The following ADD1 variants were observed in gnomAD, a reference collection of about 807,000 sequenced individuals.
ADD1 encodes the protein alpha-adducin.
In ADD1, 24 loss-of-function variants were observed where a neutral mutation model predicts 80.5. The observed-to-expected ratio is 0.30, with a 90% CI of 0.22 to 0.42. The LOEUF (loss-of-function observed/expected upper bound fraction) is 0.42. Among genes scored for constraint, ADD1 ranks in the 10% least tolerant of loss-of-function variants. ADD1 has a pLI of 1.00. For synonymous variants in ADD1, 373 were observed against 393.8 expected, an observed-to-expected ratio of 0.95 and a Z score of 0.63; for missense variants, 948 against 1,019.0, an observed-to-expected ratio of 0.93 and a Z score of 0.95.
chr4:2,919,399 A>G (rs1049989817), intron 14 of ADD1, among the ~76,000 whole-genome samples: 1 of 152,116 alleles, frequency 6.6e-6, no homozygotes, highest in African/African-American at 2.4e-5. Context: ...ATAGTTTCAG[A>G]TGGAATGGTA....
chr4:2,908,916 G>C, intron 12 of ADD1: 5 of 469,288 alleles, frequency 1.1e-5, no homozygotes, highest in Non-Finnish European at 1.9e-5. Flanking sequence ...TCTGTGTAAG[G>C]CGCTAGGAGA....
At position 2,928,800 on chromosome 4, in the gene ADD1, A is replaced by G; in HGVS notation, c.*277A>G. 1 of 409,630 alleles carries G rather than the reference A, an allele frequency of 2.4e-6. No individual in the cohort carries two copies. Among genetic ancestry groups the G allele is most frequent in the South Asian group, 3.5e-5 (1 of 28,390 alleles). 25.4% of individuals were successfully genotyped at this position (409,630 alleles called of 1,614,324 possible). A position where few individuals can be genotyped will look rare whatever the true frequency, so the allele number is the denominator to read the frequency against. On this transcript the variant is annotated 3_prime_UTR_variant, in exon 16 of 16. Transcript: ENST00000683351. Reference sequence around the variant, plus strand: ...GGCACTAAGTCATGGTCCTGGCTGGAAGGTACTGAAGGCTTCTGCAGCTTT... The same window carrying G: ...GGCACTAAGTCATGGTCCTGGCTGGGAGGTACTGAAGGCTTCTGCAGCTTT...
intron 1 of ADD1, among the ~76,000 whole-genome samples, chr4:2,848,948 A>G (rs1322838895): frequency 6.6e-6 from 1 of 152,178 alleles, no homozygotes; most frequent in African/African-American, 2.4e-5. Context: ...CCTGGCCCCA[A>G]TTAATATTCT....
At position 2,930,042 on chromosome 4, in the gene ADD1, CAAAT is replaced by C. The variant is rs774048556; in HGVS notation, c.*1523_*1526del. 6.6e-6 allele frequency: 1 copy of C among 152,626 alleles called. No homozygotes were observed. Among genetic ancestry groups the C allele is most frequent in the South Asian group, 2.1e-4 (1 of 4,826 alleles). The allele number at this position is 152,626 out of a possible 1,614,324, so 9.5% of individuals were successfully genotyped here. A position where few individuals can be genotyped will look rare whatever the true frequency, so the allele number is the denominator to read the frequency against. On this transcript the variant is annotated 3_prime_UTR_variant, in exon 16 of 16. Coordinates refer to ENST00000683351, the MANE Select transcript of ADD1 (RefSeq NM_001354761.2). ...TCTCCAGTGTAACATGTTTTACTCA[CAAAT>C]AAAATTCTTTCAGCAAGTTCCTTGT... is the stretch of plus-strand genomic sequence containing the variant.
intron 10 of ADD1, 101 bp from the exon 11 acceptor site, chr4:2,907,642 G>A: frequency 1.0e-6 from 1 of 997,006 alleles, no homozygotes; most frequent in Non-Finnish European, 1.6e-6. Context: ...TCTCTGTGAT[G>A]TTCAGTGCAT....
chr4:2,910,005 A>G, intron 13 of ADD1, among the ~76,000 whole-genome samples: 1 of 149,460 alleles, frequency 6.7e-6, no homozygotes, highest in Non-Finnish European at 1.5e-5. Context: ...ACATTTTTAA[A>G]TGCCACAGAG....
At chr4:2,859,825 C>A (rs1213475594) in intron 1 of ADD1, among the ~76,000 whole-genome samples, 1 of 152,138 alleles carries the variant, frequency 6.6e-6, no homozygotes, top group Admixed American at 6.5e-5. Flanking sequence ...GCTGCCATTT[C>A]ATTCAGCAGC....
At chr4:2,893,927 T>G (rs879734430) in intron 4 of ADD1, 86 bp from the exon 5 acceptor site, 5 of 1,291,408 alleles carry the variant, frequency 3.9e-6, no homozygotes, top group Non-Finnish European at 5.6e-6. Flanking sequence ...CTCAGTGTTC[T>G]GAACAAACCC....
intron 12 of ADD1, 135 bp downstream of exon 12, chr4:2,908,739 CA>C (rs1737487120): frequency 4.0e-6 from 3 of 746,690 alleles, no homozygotes; most frequent in Admixed American, 2.5e-5. Context: ...TTAAAACCTT[CA>C]TGATGAGAAA....
intron 9 of ADD1, chr4:2,902,460 C>T (rs947778728): frequency 1.1e-4 from 17 of 152,180 alleles, no homozygotes; most frequent in African/African-American, 3.9e-4. Context: ...AAATGTAGGC[C>T]GGTCACGATG....
intron 1 of ADD1, among the ~76,000 whole-genome samples, chr4:2,871,409 TGTAA>T (rs1235424538): frequency 3.9e-5 from 6 of 152,232 alleles, no homozygotes; most frequent in African/African-American, 1.4e-4. Flanking sequence ...AGATAGTTGG[TGTAA>T]GTGTCTTGAC....
chr4:2,901,324 A>G (rs1193855565), intron 9 of ADD1: 1 of 152,264 alleles, frequency 6.6e-6, no homozygotes, highest in African/African-American at 2.4e-5. Context: ...GTCAGAATGC[A>G]CAGCAGCCAC....
At chr4:2,885,427 T>C (rs1175854424) in intron 4 of ADD1, among the ~76,000 whole-genome samples, 3 of 152,216 alleles carry the variant, frequency 2.0e-5, no homozygotes, top group South Asian at 2.1e-4. Context: ...ATTTAAGCCT[T>C]CTCTACTATC....
intron 4 of ADD1, among the ~76,000 whole-genome samples, chr4:2,885,819 C>G (rs543640312): frequency 6.6e-6 from 1 of 151,478 alleles, no homozygotes; most frequent in Non-Finnish European, 1.5e-5. Context: ...ACCGTGTTAG[C>G]CAGGATGGTC....
intron 13 of ADD1, among the ~76,000 whole-genome samples, chr4:2,911,658 G>A (rs192138360): frequency 1.1e-4 from 17 of 151,958 alleles, no homozygotes; most frequent in African/African-American, 2.7e-4. Context: ...GTTCCGCCAC[G>A]TTGCCCAGGC....
At chr4:2,908,071 G>A (rs550651277) in intron 11 of ADD1, among the ~76,000 whole-genome samples, 44 of 152,286 alleles carry the variant, frequency 2.9e-4, no homozygotes, top group African/African-American at 1.0e-3. Context: ...GTTTGCTCAC[G>A]ATGTTTGCTC....
At chr4:2,897,898 T>C (rs1735529013) in intron 6 of ADD1, among the ~76,000 whole-genome samples, 1 of 152,146 alleles carries the variant, frequency 6.6e-6, no homozygotes, top group South Asian at 2.1e-4. Context: ...CAGTGCTCAT[T>C]GTATAATTAA....
chr4:2,908,699 G>A (rs1737478823), intron 12 of ADD1, 95 bp downstream of exon 12: 2 of 1,072,902 alleles, frequency 1.9e-6, no homozygotes, highest in South Asian at 2.7e-5. Flanking sequence ...ACTTTATGAG[G>A]TAAGTATTCT....
At chr4:2,911,449 T>A (rs1738015322) in intron 13 of ADD1, among the ~76,000 whole-genome samples, 1 of 92,590 alleles carries the variant, frequency 1.1e-5, no homozygotes, top group African/African-American at 3.8e-5. Context: ...TATATATATA[T>A]TTTTTTTTTT....
Sources: gnomAD v4.1 joint callset for allele counts (sites outside exome capture counted in the v4.1 genomes callset) on GRCh38, gnomAD v4.1.1 for gene constraint, MANE v1.5 for transcripts, NCBI Gene and HGNC (gene_info 2026-07-23, HGNC 2026-07-21) for gene names.